The following BRWD1 variants were observed in gnomAD, a reference collection of about 807,000 sequenced individuals.
The protein encoded by BRWD1 is bromodomain and WD repeat domain containing 1.
A neutral mutation model predicts 251.2 loss-of-function variants in BRWD1; 82 were observed. That is an observed-to-expected ratio of 0.33 (90% confidence interval 0.27 to 0.39). The LOEUF (loss-of-function observed/expected upper bound fraction) is 0.39. Ranked by LOEUF, BRWD1 falls within the 10% of genes least tolerant of loss-of-function variation. The probability of loss-of-function intolerance (pLI) is 1.00; values close to 1 mark genes in which losing one functional copy is unlikely to be tolerated. For synonymous variants in BRWD1, 918 were observed against 902.8 expected (o/e 1.02, Z -0.30); for missense variants, 2,233 against 2,711.6 (o/e 0.82, Z 3.92).
Position 39,232,441 on chromosome 21 carries a change from G to A in BRWD1, c.2824C>T (p.His942Tyr). The change falls in exon 24 of 41, where the codon CAC becomes TAC. Residue 942 changes from histidine (H) to tyrosine (Y), a missense_variant. By Grantham distance (83) the His-to-Tyr change is moderately conservative. Around this residue, in one of 12 missense-constraint regions of BRWD1, gnomAD observed 214 missense variants for 222.0 expected, o/e 0.96. Transcript: ENST00000342449. The part of the protein sequence containing the change: ...LANMEHLYEF[H>Y]PPVWITDTTL... ...GTGTCAGTAATCCAAACTGGAGGGTGAAATTCATATAAATGCTCCATATTT... is the reference window on the plus strand; with the variant it reads ...GTGTCAGTAATCCAAACTGGAGGGTAAAATTCATATAAATGCTCCATATTT... The A allele has an allele frequency of 6.3e-7, 1 of 1,589,316 alleles. No homozygotes were observed. Among genetic ancestry groups the A allele is most frequent in the Non-Finnish European group, 8.5e-7 (1 of 1,174,514 alleles).
In BRWD1 at chr21:39,189,246, GA is replaced by G; in HGVS notation, c.*7012del. On this transcript the variant is annotated 3_prime_UTR_variant, in exon 41 of 41. Coordinates refer to ENST00000342449, the MANE Select transcript of BRWD1 (RefSeq NM_033656.4). The stretch of plus-strand genomic sequence containing the variant: ...CAACTAGCTGCACCATTTGCATTTG[GA>G]AGAAAAGAACAGATAACTGGTTCAT... The G allele has an allele frequency of 1.0e-6, 1 of 984,954 alleles. No individual in the cohort carries two copies. Among genetic ancestry groups the G allele is most frequent in the Non-Finnish European group, 1.2e-6 (1 of 829,554 alleles). 61.0% of individuals were successfully genotyped at this position (984,954 alleles called of 1,614,324 possible).
upstream of BRWD1, among the ~76,000 whole-genome samples, chr21:39,317,718 C>T (rs1237864719): frequency 1.3e-5 from 2 of 152,158 alleles, no homozygotes; most frequent in African/African-American, 2.4e-5. Context: ...TCTCATTTAC[C>T]GCAGGCAACT....
intron 8 of BRWD1, among the ~76,000 whole-genome samples, chr21:39,292,703 G>A (rs1471355147): frequency 2.0e-5 from 3 of 150,974 alleles, no homozygotes; most frequent in Non-Finnish European, 4.4e-5. Flanking sequence ...CAAACTGTGG[G>A]GAAACTATAG....
At position 39,206,112 on chromosome 21, in the gene BRWD1, T is replaced by C; in HGVS notation, c.4360A>G (p.Ile1454Val). 6.2e-7 allele frequency: 1 copy of C among 1,605,270 alleles called. No individual in the cohort carries two copies. The change falls in exon 37 of 41, where the codon ATC becomes GTC. Residue 1454 changes from isoleucine to valine, a missense_variant. Physicochemically the swap from Ile to Val is conservative, Grantham distance 29 (BLOSUM62 3). Around this residue, in one of 12 missense-constraint regions of BRWD1, gnomAD observed 928 missense variants for 970.0 expected, o/e 0.96. Transcript: ENST00000342449. ...CKGDSQPNKS[I>V]RNLKPKRLKS... ...AGCTTGCCATAACCAGTTTACCTGATACTTTTGTTAGGCTGACTGTCACCT... is the reference window on the plus strand; with the variant it reads ...AGCTTGCCATAACCAGTTTACCTGACACTTTTGTTAGGCTGACTGTCACCT...
At chr21:39,255,893 A>C in intron 18 of BRWD1, 65 bp from the exon 19 acceptor site, 1 of 1,430,436 alleles carries the variant, frequency 7.0e-7, no homozygotes, top group Non-Finnish European at 9.7e-7. Context: ...TTAGCATGTA[A>C]CAAGCACACG....
Position 39,278,807 on chromosome 21 carries a change from A to C in BRWD1, c.939T>G (p.Arg313=). 6.3e-7 allele frequency: 1 copy of C among 1,584,176 alleles called. No individual in the cohort carries two copies. The highest frequency in any genetic ancestry group is 8.6e-7 in the Non-Finnish European group (1 of 1,168,424). The change falls in exon 10 of 41, where the codon CGT becomes CGG. Residue 313 remains arginine, a synonymous_variant. Coordinates refer to ENST00000342449, the MANE Select transcript of BRWD1 (RefSeq NM_033656.4). ...WDLESLKFSP[R]PLKFTEKPRP... ...TAGGCTTTTCAGTGAACTTCAGGGGACGTGGGCTTTAAAAGAAGAAGATGC... is the reference window on the plus strand; with the variant it reads ...TAGGCTTTTCAGTGAACTTCAGGGGCCGTGGGCTTTAAAAGAAGAAGATGC...
chr21:39,292,115 T>TGGG (rs1601477074), intron 8 of BRWD1, among the ~76,000 whole-genome samples: 1 of 10,284 alleles, frequency 9.7e-5, no homozygotes, highest in Non-Finnish European at 2.1e-3. Flanking sequence ...CTATTTTTTG[T>TGGG]GGGGGGTGGG....
At chr21:39,216,763 C>T (rs947501019) in intron 31 of BRWD1, 1 of 379,242 alleles carries the variant, frequency 2.6e-6, no homozygotes, top group East Asian at 7.3e-5. Context: ...ACCACCTGTT[C>T]AGACCATTGC....
At chr21:39,200,150 ATCTAT>A in intron 39 of BRWD1, 64 bp downstream of exon 39, 1 of 1,386,780 alleles carries the variant, frequency 7.2e-7, no homozygotes, top group Non-Finnish European at 9.9e-7. Flanking sequence ...TAAATCGAGA[ATCTAT>A]TCAATTTATA....
rs1360467623 is a variant in BRWD1, at chr21:39,236,699, T to C, written c.2662A>G (p.Ile888Val). 5 of 1,614,128 alleles carry C rather than the reference T, an allele frequency of 3.1e-6. No homozygotes were observed. The East Asian group carries it at 1.1e-4, about 36-fold the overall frequency. Residue 888 changes from isoleucine (I) to valine (V), a missense_variant, in exon 23 of 41, where the codon ATT becomes GTT. Physicochemically the swap from Ile to Val is conservative, Grantham distance 29. Around this residue, in one of 12 missense-constraint regions of BRWD1, gnomAD observed 214 missense variants for 222.0 expected, o/e 0.96. Coordinates refer to ENST00000342449, the MANE Select transcript of BRWD1 (RefSeq NM_033656.4). ...PPLRTSCRRR[I>V]TRFCSSSEDE... ...TCTGAACTACTACAAAATCGAGTAA[T>C]TCGTCGACGACATGATGTTCTTAAA...
At chr21:39,238,216 A>G (rs1484061947) in intron 22 of BRWD1, among the ~76,000 whole-genome samples, 1 of 151,834 alleles carries the variant, frequency 6.6e-6, no homozygotes, top group Non-Finnish European at 1.5e-5. Context: ...AGTCTTTTTA[A>G]GTGCAACCAA....
chr21:39,254,026 G>GGAGGCC (rs2034482129), intron 19 of BRWD1, among the ~76,000 whole-genome samples: 1 of 152,162 alleles, frequency 6.6e-6, no homozygotes. Context: ...CAGCACTTTG[G>GGAGGCC]GAGGCCGAGG....
intron 4 of BRWD1, among the ~76,000 whole-genome samples, chr21:39,312,119 G>T (rs567328033): frequency 6.6e-6 from 1 of 152,220 alleles, no homozygotes; most frequent in South Asian, 2.1e-4. Flanking sequence ...ATAGATAAAA[G>T]CAAGTTATAT....
At chr21:39,228,156 C>T (rs977575840) in intron 27 of BRWD1, among the ~76,000 whole-genome samples, 5 of 151,948 alleles carry the variant, frequency 3.3e-5, no homozygotes, top group Admixed American at 6.6e-5. Flanking sequence ...GGCGTAGTGG[C>T]GCACACCTGT....
chr21:39,229,601 C>T (rs1203079363), intron 25 of BRWD1, among the ~76,000 whole-genome samples, 165 bp from the exon 26 acceptor site: 1 of 152,058 alleles, frequency 6.6e-6, no homozygotes, highest in Non-Finnish European at 1.5e-5. Context: ...AGTTAATCTC[C>T]ACATATTTAA....
In BRWD1 at chr21:39,187,217, C is replaced by T. The variant is rs747604490; in HGVS notation, c.*9042G>A. 1.5e-5 allele frequency: 25 copies of T among 1,613,296 alleles called. No homozygotes were observed. The highest frequency in any genetic ancestry group is 1.9e-5 in the Non-Finnish European group (23 of 1,179,788). On this transcript the variant is annotated 3_prime_UTR_variant, in exon 41 of 41. Transcript: ENST00000342449. ...TTTCTGCTACTCTTCCTAATCCAGA[C>T]ATTTTCTGGTCCTGAGATCGTTTCT...
At chr21:39,278,118 G>A (rs2035335663) in intron 10 of BRWD1, among the ~76,000 whole-genome samples, 1 of 152,072 alleles carries the variant, frequency 6.6e-6, no homozygotes, top group Admixed American at 6.6e-5. Context: ...CAAAGGACTG[G>A]GATTACAGGC....
intron 21 of BRWD1, among the ~76,000 whole-genome samples, chr21:39,243,589 G>A (rs528999510): frequency 5.6e-4 from 85 of 152,240 alleles, no homozygotes; most frequent in African/African-American, 1.9e-3. Flanking sequence ...GGGACTACAG[G>A]TGTGTCACCA....
intron 36 of BRWD1, among the ~76,000 whole-genome samples, chr21:39,207,289 G>A (rs1241998297): frequency 6.6e-6 from 1 of 151,982 alleles, no homozygotes; most frequent in Non-Finnish European, 1.5e-5. Flanking sequence ...ACAATAATTA[G>A]CCGGGCATGG....
Sources: allele counts gnomAD v4.1 joint callset (sites outside exome capture counted in the v4.1 genomes callset), GRCh38; gene constraint gnomAD v4.1.1; regional missense constraint gnomAD v4.1.1; transcripts MANE v1.5; gene names NCBI Gene and HGNC (gene_info 2026-07-23, HGNC 2026-07-21).